SLC35F1: variants seen among roughly 807,000 people sequenced by gnomAD.
SLC35F1 encodes solute carrier family 35 member F1.
SLC35F1 carries 14 observed loss-of-function variants against 48.7 expected under a neutral mutation model. The observed-to-expected ratio is 0.29, with a 90% CI of 0.19 to 0.45. The LOEUF (loss-of-function observed/expected upper bound fraction) is 0.45, where lower values mean the gene tolerates loss of function less well. Ranked by LOEUF, SLC35F1 falls within the 20% of genes least tolerant of loss-of-function variation. SLC35F1 has a pLI of 1.00. For missense variants in SLC35F1, 404 were observed against 500.0 expected (o/e 0.81, Z 1.83); for synonymous variants, 190 against 202.2 (o/e 0.94, Z 0.51).
chr6:118,174,556 G>C (rs1040813885), intron 2 of SLC35F1, among the ~76,000 whole-genome samples: 3 of 151,990 alleles, frequency 2.0e-5, no homozygotes, highest in Non-Finnish European at 4.4e-5. Flanking sequence ...AAGGTGTATG[G>C]GACAATATTA....
At chr6:118,125,560 C>A (rs897380329) in intron 1 of SLC35F1, among the ~76,000 whole-genome samples, 1 of 152,076 alleles carries the variant, frequency 6.6e-6, no homozygotes, top group African/African-American at 2.4e-5. Flanking sequence ...TTTTTGGCTT[C>A]CTTGGGTAGT....
intron 1 of SLC35F1, among the ~76,000 whole-genome samples, chr6:118,014,947 T>A (rs1452000102): frequency 6.6e-6 from 1 of 152,186 alleles, no homozygotes; most frequent in Admixed American, 6.5e-5. Flanking sequence ...ATTGTACTCC[T>A]ATAATTTCCA....
intron 1 of SLC35F1, among the ~76,000 whole-genome samples, chr6:118,070,906 A>ATACATAGTAAATATATATAC (rs1562280725): frequency 9.0e-4 from 5 of 5,552 alleles, no homozygotes; most frequent in Non-Finnish European, 2.2e-3. Context: ...TATATACTAT[A>ATACATAGTAAATATATATAC]TATATATACA....
chr6:118,193,361 G>A (rs1774758046), intron 2 of SLC35F1, among the ~76,000 whole-genome samples: 1 of 152,112 alleles, frequency 6.6e-6, no homozygotes, highest in African/African-American at 2.4e-5. Context: ...TTATTCCAAT[G>A]TTCAATTTAT....
intron 1 of SLC35F1, among the ~76,000 whole-genome samples, chr6:118,051,454 CA>C (rs1562275275): frequency 6.6e-6 from 1 of 151,758 alleles, no homozygotes; most frequent in Non-Finnish European, 1.5e-5. Flanking sequence ...GCTACTTTTT[CA>C]AAAAGATAAA....
chr6:118,236,956 T>C (rs1775373471), intron 3 of SLC35F1, among the ~76,000 whole-genome samples: 1 of 152,198 alleles, frequency 6.6e-6, no homozygotes, highest in Non-Finnish European at 1.5e-5. Flanking sequence ...TTTCTCCAGT[T>C]TTTAGAGCCC....
At chr6:117,918,861 TGAGA>T (rs757316122) in intron 1 of SLC35F1, among the ~76,000 whole-genome samples, 2 of 151,836 alleles carry the variant, frequency 1.3e-5, no homozygotes. Context: ...GAGTGGGGTA[TGAGA>T]GAGAGAGAAG....
chr6:118,147,390 C>T (rs1773989761), intron 1 of SLC35F1, among the ~76,000 whole-genome samples: 1 of 152,078 alleles, frequency 6.6e-6, no homozygotes, highest in Non-Finnish European at 1.5e-5. Context: ...GGGTTGTGCC[C>T]ACATAATGTT....
intron 1 of SLC35F1, among the ~76,000 whole-genome samples, chr6:118,071,962 A>G (rs888180403): frequency 6.6e-6 from 1 of 152,164 alleles, no homozygotes; most frequent in African/African-American, 2.4e-5. Context: ...TTTGAGGTTC[A>G]TATCCTTTAG....
rs149222940 is a variant in SLC35F1 at position 118,301,141 on chromosome 6, C to A, written c.1003-12887C>A. ...GCTCCTTCTCTGCTGGGTGCTGTGT[C>A]TCTGATGCTTACTGCAGAGCCTGGC... On this transcript the variant is annotated intron_variant, in intron 7 of 7. Coordinates refer to ENST00000360388, the MANE Select transcript of SLC35F1 (RefSeq NM_001029858.4). Among the ~76,000 whole-genome samples, 8 of 152,224 alleles carry A rather than the reference C, an allele frequency of 5.3e-5. No homozygotes were observed. The East Asian group carries it at 1.4e-3, about 26-fold the overall frequency.
intron 1 of SLC35F1, among the ~76,000 whole-genome samples, chr6:118,129,139 C>T (rs1562298357): frequency 6.6e-6 from 1 of 152,150 alleles, no homozygotes; most frequent in East Asian, 1.9e-4. Flanking sequence ...GTTGAGAAAA[C>T]ACATGGTAAA....
chr6:118,024,072 G>A (rs1005937415), intron 1 of SLC35F1, among the ~76,000 whole-genome samples: 8 of 152,070 alleles, frequency 5.3e-5, no homozygotes, highest in Non-Finnish European at 1.0e-4. Context: ...TACTATACTC[G>A]GACTTTATAG....
chr6:118,104,768 C>G (rs1406444132), intron 1 of SLC35F1, among the ~76,000 whole-genome samples: 2 of 152,152 alleles, frequency 1.3e-5, no homozygotes, highest in Admixed American at 6.5e-5. Context: ...AGTGTACTTG[C>G]AAGTTAAAAA....
intron 1 of SLC35F1, among the ~76,000 whole-genome samples, chr6:118,045,427 T>C (rs541517372): frequency 1.3e-5 from 2 of 152,158 alleles, no homozygotes; most frequent in Non-Finnish European, 2.9e-5. Context: ...GCCTAGCTTA[T>C]AGGAAGCTCT....
chr6:117,938,220 G>C (rs1776184211), intron 1 of SLC35F1, among the ~76,000 whole-genome samples: 1 of 152,054 alleles, frequency 6.6e-6, no homozygotes, highest in Non-Finnish European at 1.5e-5. Context: ...CTAAGTGCTA[G>C]TTACTGATCT....
intron 7 of SLC35F1, among the ~76,000 whole-genome samples, chr6:118,309,749 G>C (rs144265418): frequency 1.2e-3 from 187 of 152,282 alleles, no homozygotes; most frequent in African/African-American, 4.0e-3. Flanking sequence ...ATGAAAATTT[G>C]GTCTGTGATG....
In SLC35F1 at chr6:117,914,034, G is replaced by A. The variant is rs555840712; in HGVS notation, c.173+6135G>A. On this transcript the variant is annotated intron_variant, in intron 1 of 7. Transcript: ENST00000360388. Reference sequence around the variant, plus strand: ...CCACTGCATTCCAGCCTGGGCAACAGAGTGAAACTCCATCTCAAAAAAATC... The same window carrying A: ...CCACTGCATTCCAGCCTGGGCAACAAAGTGAAACTCCATCTCAAAAAAATC... Among the ~76,000 whole-genome samples the A allele has an allele frequency of 2.2e-3, 333 of 152,170 alleles. 5 individuals carry two copies. Among genetic ancestry groups the A allele is most frequent in the African/African-American group, 7.5e-3 (312 of 41,518 alleles).
At chr6:118,250,488 GA>G (rs1375610962) in intron 3 of SLC35F1, among the ~76,000 whole-genome samples, 2 of 152,194 alleles carry the variant, frequency 1.3e-5, no homozygotes, top group Non-Finnish European at 2.9e-5. Flanking sequence ...TGCGCTTAAG[GA>G]AAGGAATTGC....
At chr6:118,297,818 T>C (rs166881) in intron 7 of SLC35F1, among the ~76,000 whole-genome samples, 17,181 of 149,250 alleles carry the variant, frequency 0.12, 1,364 homozygotes, top group African/African-American at 0.22. Context: ...TGCACCCTGA[T>C]ATGGTTTGGA....
Sources: allele counts gnomAD v4.1 joint callset (sites outside exome capture counted in the v4.1 genomes callset), GRCh38; gene constraint gnomAD v4.1.1; transcripts MANE v1.5; gene names NCBI Gene and HGNC (gene_info 2026-07-23, HGNC 2026-07-21).